The following ZNF682 variants were observed in gnomAD, a reference collection of about 807,000 sequenced individuals.
ZNF682 encodes the protein zinc finger protein 682.
Under a neutral mutation model 36.5 loss-of-function variants are expected in ZNF682, and 29 were observed. The observed-to-expected ratio is 0.80, with a 90% confidence interval of 0.59 to 1.08. The LOEUF (loss-of-function observed/expected upper bound fraction) is 1.08. Among genes scored for constraint, ZNF682 ranks in the 50% least tolerant of loss-of-function variants. The pLI, the probability that ZNF682 is intolerant of heterozygous loss-of-function variation, is 0.00. For missense variants in ZNF682, 561 were observed against 579.7 expected, an observed-to-expected ratio of 0.97 and a Z score of 0.33; for synonymous variants, 180 against 197.0, an observed-to-expected ratio of 0.91 and a Z score of 0.72.
chr19:20,017,418 T>TA (rs1298899984), intron 3 of ZNF682, among the ~76,000 whole-genome samples: 1 of 152,088 alleles, frequency 6.6e-6, no homozygotes, highest in Non-Finnish European at 1.5e-5. Context: ...TGGCCATAGT[T>TA]AGACAAAATC....
chr19:20,024,129 C>G (rs2122364310), intron 2 of ZNF682, 121 bp downstream of exon 2: 1 of 1,203,430 alleles, frequency 8.3e-7, no homozygotes, highest in Non-Finnish European at 1.2e-6. Context: ...CCAAGTTTTC[C>G]TTGAAAGCAG....
downstream of ZNF682, among the ~76,000 whole-genome samples, chr19:20,003,223 A>G (rs1316362078): frequency 1.4e-5 from 2 of 145,080 alleles, no homozygotes; most frequent in Non-Finnish European, 3.0e-5. Context: ...AAAAAAAATT[A>G]AAAGAGCAAC....
At chr19:20,014,690 G>C (rs1191763757) in intron 3 of ZNF682, among the ~76,000 whole-genome samples, 1 of 151,072 alleles carries the variant, frequency 6.6e-6, no homozygotes, top group Non-Finnish European at 1.5e-5. Context: ...TGAGGCAGGG[G>C]AATCGCTTGA....
intron 1 of ZNF682, among the ~76,000 whole-genome samples, chr19:20,032,944 T>C (rs963380): frequency 0.83 from 126,089 of 152,110 alleles, 52,551 homozygotes; most frequent in Middle Eastern, 0.91. Flanking sequence ...ATTCAGGTAC[T>C]TGCTGAAGGT....
In ZNF682 at chr19:20,004,831, A is replaced by G. The variant is rs1451266301; in HGVS notation, c.*1174T>C. 5 of 47,294 alleles carry G rather than the reference A, an allele frequency of 1.1e-4. No homozygotes were observed. The highest frequency in any genetic ancestry group is 2.1e-4 in the Non-Finnish European group (5 of 24,280). The allele number at this position is 47,294 out of a possible 1,614,324, so 2.9% of individuals were successfully genotyped here. On this transcript the variant is annotated 3_prime_UTR_variant, in exon 4 of 4. Coordinates refer to ENST00000397165, the MANE Select transcript of ZNF682 (RefSeq NM_033196.3). Reference sequence around the variant, plus strand: ...TTTGTAAAAATCTAAAATTCTTTCAATGCAAAAAGTGTACTTTGAATATAA... The same window carrying G: ...TTTGTAAAAATCTAAAATTCTTTCAGTGCAAAAAGTGTACTTTGAATATAA...
At chr19:20,027,627 C>T (rs576543688) in intron 1 of ZNF682, among the ~76,000 whole-genome samples, 28 of 152,104 alleles carry the variant, frequency 1.8e-4, no homozygotes, top group South Asian at 4.1e-4. Context: ...AGTGTGGTGG[C>T]GCATGCCTGT....
At chr19:20,014,316 TC>T (rs1297533344) in intron 3 of ZNF682, among the ~76,000 whole-genome samples, 2 of 152,196 alleles carry the variant, frequency 1.3e-5, no homozygotes, top group African/African-American at 4.8e-5. Context: ...ACAGATATTA[TC>T]TTTCATGTAT....
At chr19:20,023,137 G>T in intron 2 of ZNF682, 38 bp from the exon 3 acceptor site, 1 of 1,580,550 alleles carries the variant, frequency 6.3e-7, no homozygotes, top group Non-Finnish European at 8.7e-7. Context: ...TTCTTGCTGG[G>T]ATTCTCCAAT....
At chr19:20,016,546 ATAAC>A (rs200845856) in intron 3 of ZNF682, among the ~76,000 whole-genome samples, 1,969 of 152,264 alleles carry the variant, frequency 0.013, 20 homozygotes, top group South Asian at 0.032. Flanking sequence ...ACTGAATACA[ATAAC>A]TAAGTTAAAA....
At chr19:20,026,417 G>T (rs1264259995) in intron 1 of ZNF682, among the ~76,000 whole-genome samples, 2 of 152,036 alleles carry the variant, frequency 1.3e-5, no homozygotes, top group Non-Finnish European at 2.9e-5. Context: ...CCCTAATAGA[G>T]ATCTTAGGTA....
chr19:20,006,315 G>A lies in ZNF682; in HGVS notation c.1187C>T (p.Pro396Leu). ...KHKRIHTGEK[P>L]YKCEECGKAF... ...TTTGCCACATTCTTCACATTTGTAG[G>A]GTTTCTCTCCAGTGTGAATTCTCTT... The change falls in exon 4 of 4, where the codon CCC becomes CTC. Residue 396 changes from proline (P) to leucine (L), a missense_variant. Transcript: ENST00000397165. 1 of 1,613,518 alleles carries A rather than the reference G, an allele frequency of 6.2e-7. No individual in the cohort carries two copies. Among genetic ancestry groups the A allele is most frequent in the South Asian group, 1.1e-5 (1 of 91,080 alleles).
downstream of ZNF682, among the ~76,000 whole-genome samples, chr19:20,000,135 C>T (rs185027170): frequency 8.8e-4 from 134 of 152,234 alleles, no homozygotes; most frequent in Non-Finnish European, 1.8e-3. Flanking sequence ...AGTAGCCTGG[C>T]GGGGCCTCTG....
At chr19:20,026,832 G>C (rs986048357) in intron 1 of ZNF682, among the ~76,000 whole-genome samples, 1 of 152,178 alleles carries the variant, frequency 6.6e-6, no homozygotes, top group African/African-American at 2.4e-5. Context: ...TGGTATGTAA[G>C]AAGCCTGGAT....
intron 3 of ZNF682, among the ~76,000 whole-genome samples, chr19:20,011,131 G>A (rs2088284152): frequency 6.6e-6 from 1 of 150,574 alleles, no homozygotes; most frequent in South Asian, 2.1e-4. Context: ...CACACAAATG[G>A]GAAAAAAACA....
At chr19:19,999,874 A>C (rs2088153989), downstream of ZNF682, among the ~76,000 whole-genome samples, 1 of 152,144 alleles carries the variant, frequency 6.6e-6, no homozygotes, top group Admixed American at 6.5e-5. Flanking sequence ...TATACACCTG[A>C]TAAATTCCCT....
chr19:20,003,724 T>G (rs1158732465), downstream of ZNF682, among the ~76,000 whole-genome samples: 1 of 150,086 alleles, frequency 6.7e-6, no homozygotes, highest in Non-Finnish European at 1.5e-5. Flanking sequence ...AAAAAGAAAA[T>G]TATGCATTAG....
In ZNF682 at chr19:20,007,538, G is replaced by T. The variant is rs545165890; in HGVS notation, c.227-263C>A. 22 of 388,250 alleles carry T rather than the reference G, an allele frequency of 5.7e-5. No individual in the cohort carries two copies. In the East Asian group the frequency reaches 1.0e-3, roughly 18 times the overall value. The allele number at this position is 388,250 out of a possible 1,614,324, so 24.1% of individuals were successfully genotyped here. A position where few individuals can be genotyped will look rare whatever the true frequency, so the allele number is the denominator to read the frequency against. ...ATGGGAAGCTTGCTCAAAGTCACTG[G>T]GCACCAGGACTGGCTCGTAGATCCA... On this transcript the variant is annotated intron_variant, in intron 3 of 3. Transcript: ENST00000397165.
At chr19:20,017,264 G>T (rs532524060) in intron 3 of ZNF682, among the ~76,000 whole-genome samples, 8 of 152,124 alleles carry the variant, frequency 5.3e-5, no homozygotes, top group African/African-American at 1.9e-4. Flanking sequence ...CTTTAAAAAA[G>T]TAAAATAGCT....
intron 3 of ZNF682, among the ~76,000 whole-genome samples, chr19:20,016,800 A>G (rs574590080): frequency 6.6e-6 from 1 of 152,188 alleles, no homozygotes; most frequent in East Asian, 1.9e-4. Flanking sequence ...GGTAAAGTAA[A>G]TATATACACA....
Sources: gnomAD v4.1 joint callset for allele counts (sites outside exome capture counted in the v4.1 genomes callset) on GRCh38, gnomAD v4.1.1 for gene constraint, MANE v1.5 for transcripts, NCBI Gene and HGNC (gene_info 2026-07-23, HGNC 2026-07-21) for gene names.